The following THOC2 variants were observed in gnomAD, a reference collection of about 807,000 sequenced individuals.
THOC2 encodes THO complex subunit 2.
In THOC2, 10 loss-of-function variants were observed where a neutral mutation model predicts 128.4. That is an observed-to-expected ratio of 0.08 (90% CI 0.05 to 0.13). The LOEUF (loss-of-function observed/expected upper bound fraction) is 0.13, where lower values mean the gene tolerates loss of function less well. Among genes scored for constraint, THOC2 ranks in the 10% least tolerant of loss-of-function variants. THOC2 has a pLI of 1.00. For synonymous variants in THOC2, 393 were observed against 396.9 expected, an observed-to-expected ratio of 0.99 and a Z score of 0.12; for missense variants, 535 against 1,155.7, an observed-to-expected ratio of 0.46 and a Z score of 7.79.
chrX:123,667,409 T>A, intron 10 of THOC2, 131 bp from the exon 11 acceptor site: 1 of 464,988 alleles, frequency 2.2e-6, no homozygotes, highest in Non-Finnish European at 3.5e-6. Flanking sequence ...TTAAACAATA[T>A]ATTCCTGCAA....
intron 9 of THOC2, 80 bp downstream of exon 9, chrX:123,671,589 G>A: frequency 1.9e-6 from 1 of 533,772 alleles, no homozygotes; most frequent in Non-Finnish European, 3.0e-6. Context: ...CCAATCCTGG[G>A]GGTGCTATGT....
chrX:123,645,257 T>C, intron 13 of THOC2, 77 bp downstream of exon 13: 1 of 709,736 alleles, frequency 1.4e-6, no homozygotes, highest in South Asian at 2.9e-5. Flanking sequence ...TGATTAAAGC[T>C]TGTTCACAGT....
In THOC2 at chrX:123,627,715, G is replaced by A. The variant is rs2047317987; in HGVS notation, c.2735C>T (p.Ala912Val). ...TACCATTTCCTGATTGTCATCAATTGCTTTCATCTGGACTTTAAGTTTATT... is the reference window on the plus strand; with the variant it reads ...TACCATTTCCTGATTGTCATCAATTACTTTCATCTGGACTTTAAGTTTATT... ...EVNKLKVQMK[A>V]IDDNQEMPPN... Residue 912 changes from alanine (A) to valine (V), a missense_variant, in exon 23 of 39, where the codon GCA (alanine) becomes GTA (valine). Transcript: ENST00000245838. 5 of 1,211,033 alleles carry A rather than the reference G, an allele frequency of 4.1e-6. No individual in the cohort carries two copies. The highest frequency in any genetic ancestry group is 5.6e-6 in the Non-Finnish European group (5 of 895,100).
At chrX:123,659,100 A>C (rs933715943) in intron 12 of THOC2, among the ~76,000 whole-genome samples, 14 of 112,356 alleles carry the variant, frequency 1.2e-4, no homozygotes, top group Admixed American at 2.8e-4. Context: ...TACATGAAAC[A>C]ATTCTAGAAC....
At chrX:123,696,605 A>C in intron 6 of THOC2, 116 bp downstream of exon 6, 1 of 752,922 alleles carries the variant, frequency 1.3e-6, no homozygotes, top group Non-Finnish European at 1.9e-6. Context: ...AAGACATGCT[A>C]ACCACAAACA....
At chrX:123,686,827 A>G (rs954852788) in intron 7 of THOC2, 113 bp from the exon 8 acceptor site, 1 of 640,470 alleles carries the variant, frequency 1.6e-6, no homozygotes, top group African/African-American at 2.2e-5. Context: ...TTTAAAAACA[A>G]CTTTCTTTAC....
intron 7 of THOC2, among the ~76,000 whole-genome samples, chrX:123,691,693 A>G (rs897544766): frequency 7.2e-5 from 8 of 111,814 alleles, no homozygotes; most frequent in African/African-American, 1.9e-4. Context: ...CTGCGAGCAA[A>G]GGTAAAGGGG....
chrX:123,628,077 G>A, intron 22 of THOC2, 109 bp from the exon 23 acceptor site: 1 of 608,615 alleles, frequency 1.6e-6, no homozygotes, highest in Non-Finnish European at 2.5e-6. Flanking sequence ...ATCAAAAGAT[G>A]ACCAATCTCA....
intron 12 of THOC2, among the ~76,000 whole-genome samples, chrX:123,656,054 G>T (rs981225667): frequency 1.0e-4 from 11 of 108,879 alleles, no homozygotes; most frequent in African/African-American, 3.7e-4. Context: ...CGGGCGTGGT[G>T]GCTCATGCCT....
intron 38 of THOC2, among the ~76,000 whole-genome samples, chrX:123,609,202 G>C (rs2046605013): frequency 8.9e-6 from 1 of 112,222 alleles, no homozygotes; most frequent in Admixed American, 9.4e-5. Context: ...TAAAAGAAAG[G>C]TTAAAATGAG....
Position 123,668,275 on chromosome X carries a change from G to A in THOC2, c.901C>T (p.Arg301Ter). 1 of 1,198,427 alleles carries A rather than the reference G, an allele frequency of 8.3e-7. No individual in the cohort carries two copies. The highest frequency in any genetic ancestry group is 1.1e-6 in the Non-Finnish European group (1 of 889,205). Residue 301 changes from arginine to a stop codon, truncating the protein, a stop_gained, in exon 10 of 39, where the codon CGA becomes TGA. Coordinates refer to ENST00000245838, the MANE Select transcript of THOC2 (RefSeq NM_001081550.2). LOFTEE classifies it high-confidence loss of function. ...ADNCIMDEHKREIAEAKQIVR... is the reference protein window; with the variant it reads ...ADNCIMDEHK The stretch of plus-strand genomic sequence containing the variant: ...ATTTGCTTAGCTTCCGCAATTTCTC[G>A]TTTGTGTTCATCCATAATGCAATTA...
Position 123,705,732 on chromosome X carries a change from T to C in THOC2, c.222+1126A>G, listed in dbSNP as rs992447121. 1.3e-4 allele frequency among the ~76,000 whole-genome samples: 14 copies of C among 109,475 alleles called. 1 individual carries two copies. Among genetic ancestry groups the C allele is most frequent in the Non-Finnish European group, 2.1e-4 (11 of 52,530 alleles). ...TATCCCTGGGAAAGCACAAAAAACA[T>C]ACAAATATTACCTCCCCTGACAGAA... On this transcript the variant is annotated intron_variant, in intron 3 of 38. Transcript: ENST00000245838.
intron 36 of THOC2, among the ~76,000 whole-genome samples, chrX:123,612,626 T>A (rs1476315670): frequency 1.8e-5 from 2 of 111,663 alleles, no homozygotes; most frequent in Non-Finnish European, 3.8e-5. Flanking sequence ...ATACTGTGAA[T>A]ATACTAAATG....
chrX:123,666,369 G>A (rs1291582962), intron 11 of THOC2, among the ~76,000 whole-genome samples: 1 of 111,667 alleles, frequency 9.0e-6, no homozygotes, highest in African/African-American at 3.3e-5. Context: ...GGTCACTTTA[G>A]GACACCATAC....
chrX:123,691,978 T>C (rs1331332019), intron 7 of THOC2, among the ~76,000 whole-genome samples: 1 of 112,125 alleles, frequency 8.9e-6, no homozygotes, highest in Non-Finnish European at 1.9e-5. Flanking sequence ...AATGGCAGAA[T>C]TAAGTAGTTA....
chrX:123,668,370 A>G, intron 9 of THOC2, 56 bp from the exon 10 acceptor site: 1 of 823,884 alleles, frequency 1.2e-6, no homozygotes, highest in Non-Finnish European at 1.7e-6. Flanking sequence ...ACTTGTTCAT[A>G]TAAAAAGGAA....
At chrX:123,700,525 G>T (rs1301915330) in intron 4 of THOC2, among the ~76,000 whole-genome samples, 4 of 74,053 alleles carry the variant, frequency 5.4e-5, no homozygotes, top group African/African-American at 2.0e-4. Flanking sequence ...GGGGCGGCGG[G>T]GGGGAGGTGG....
intron 1 of THOC2, among the ~76,000 whole-genome samples, chrX:123,725,990 C>A (rs1437816834): frequency 9.0e-6 from 1 of 111,542 alleles, no homozygotes; most frequent in Non-Finnish European, 1.9e-5. Context: ...GGGCAGATTA[C>A]TTGAGGTCAA....
At position 123,621,344 on chromosome X, in the gene THOC2, C is replaced by T; in HGVS notation, c.4029G>A (p.Lys1343=). Residue 1343 remains lysine, a synonymous_variant, in exon 31 of 39, where the codon AAG becomes AAA. Coordinates refer to ENST00000245838, the MANE Select transcript of THOC2 (RefSeq NM_001081550.2). ...KEEKAKDEKF[K]TTVPNAESKS... ...TTGATTCTGCGTTGGGGACAGTGGT[C>T]TTAAATTTCTCATCTTTAGCTTTTT... 1.7e-6 allele frequency: 2 copies of T among 1,210,461 alleles called. No individual in the cohort carries two copies. Among genetic ancestry groups the T allele is most frequent in the Middle Eastern group, 2.3e-4 (1 of 4,349 alleles).
Sources: gnomAD v4.1 joint callset for allele counts (sites outside exome capture counted in the v4.1 genomes callset) on GRCh38, gnomAD v4.1.1 for gene constraint, MANE v1.5 for transcripts, NCBI Gene and HGNC (gene_info 2026-07-23, HGNC 2026-07-21) for gene names.